The following SCN11A variants were observed in gnomAD, a reference collection of about 807,000 sequenced individuals.
SCN11A encodes sodium voltage-gated channel alpha subunit 11, also known as sodium channel protein type 11 subunit alpha.
Under a neutral mutation model 162.2 loss-of-function variants are expected in SCN11A, and 122 were observed. The ratio of observed to expected loss-of-function variants is 0.75; its 90% CI spans 0.65 to 0.87. The LOEUF (loss-of-function observed/expected upper bound fraction) is 0.87. Among genes scored for constraint, SCN11A ranks in the 40% least tolerant of loss-of-function variants. SCN11A has a pLI of 0.00. For missense variants in SCN11A, 2,015 were observed against 2,181.6 expected (o/e 0.92, Z 1.52); for synonymous variants, 758 against 751.5 (o/e 1.01, Z -0.14).
chr3:38,950,603 G>A (rs775995491), intron 4 of SCN11A: 2 of 516,452 alleles, frequency 3.9e-6, no homozygotes, highest in Non-Finnish European at 7.0e-6. Flanking sequence ...ATCATTCCTG[G>A]AGGACCTGGC....
At chr3:39,010,629 C>T (rs1265271115) in intron 2 of SCN11A, among the ~76,000 whole-genome samples, 3 of 152,226 alleles carry the variant, frequency 2.0e-5, no homozygotes, top group Non-Finnish European at 2.9e-5. Context: ...CCACCCGCCT[C>T]GGCCTCCCAA....
rs139583081 is a variant in SCN11A, at chr3:38,922,938, G to C, written c.713-1683C>G. Among the ~76,000 whole-genome samples, 448 of 152,244 alleles carry C rather than the reference G, an allele frequency of 2.9e-3. 3 individuals carry two copies. The highest frequency in any genetic ancestry group is 0.01 in the African/African-American group (428 of 41,548). On this transcript the variant is annotated intron_variant, in intron 9 of 29. Coordinates refer to ENST00000302328, the MANE Select transcript of SCN11A (RefSeq NM_001349253.2). The stretch of plus-strand genomic sequence containing the variant: ...TAGAAGAGAAAAGAAGGGAAGGGGA[G>C]AAGGTGGGGGGAAAGGAGTCCAGAG...
intron 2 of SCN11A, among the ~76,000 whole-genome samples, chr3:39,001,209 TCAC>T (rs1028493133): frequency 8.5e-5 from 13 of 152,166 alleles, no homozygotes; most frequent in Non-Finnish European, 1.8e-4. Flanking sequence ...TGTGCAACCA[TCAC>T]CACTTTATAA....
intron 2 of SCN11A, among the ~76,000 whole-genome samples, chr3:38,966,081 A>G (rs886385102): frequency 1.3e-5 from 2 of 152,192 alleles, no homozygotes; most frequent in Non-Finnish European, 2.9e-5. Flanking sequence ...ACCTGAGATC[A>G]TTGGTTGTTT....
intron 28 of SCN11A, 97 bp from the exon 29 acceptor site, chr3:38,850,848 C>T (rs557480243): frequency 1.9e-6 from 2 of 1,038,518 alleles, no homozygotes; most frequent in Non-Finnish European, 2.7e-6. Flanking sequence ...TTTTTCCTTA[C>T]AATTAAAGCA....
At chr3:38,864,505 G>A (rs1575219242) in intron 27 of SCN11A, among the ~76,000 whole-genome samples, 1 of 152,094 alleles carries the variant, frequency 6.6e-6, no homozygotes, top group East Asian at 1.9e-4. Context: ...TGAGAATAAG[G>A]TTTCTCAGTG....
intron 16 of SCN11A, among the ~76,000 whole-genome samples, chr3:38,901,314 T>C (rs1309168524): frequency 6.6e-6 from 1 of 152,170 alleles, no homozygotes; most frequent in Non-Finnish European, 1.5e-5. Flanking sequence ...AAGTTTATTT[T>C]CATATTCCCC....
chr3:38,918,077 G>C (rs966693597), intron 11 of SCN11A, among the ~76,000 whole-genome samples: 7 of 151,828 alleles, frequency 4.6e-5, no homozygotes, highest in Non-Finnish European at 7.4e-5. Flanking sequence ...TTTTATAGCA[G>C]TATAGTATTG....
intron 23 of SCN11A, among the ~76,000 whole-genome samples, chr3:38,875,991 T>C (rs767296509): frequency 6.6e-6 from 1 of 152,144 alleles, no homozygotes; most frequent in African/African-American, 2.4e-5. Context: ...CAAAACAGCA[T>C]GGTACTGGTA....
At chr3:38,915,596 T>C (rs1233921245) in intron 11 of SCN11A, among the ~76,000 whole-genome samples, 2 of 152,198 alleles carry the variant, frequency 1.3e-5, no homozygotes, top group African/African-American at 2.4e-5. Context: ...TTAATTTCCA[T>C]GTAATTGCAT....
intron 2 of SCN11A, among the ~76,000 whole-genome samples, chr3:39,019,854 CTCA>C: frequency 6.6e-6 from 1 of 152,272 alleles, no homozygotes; most frequent in Middle Eastern, 3.4e-3. Context: ...CTTTCATTGT[CTCA>C]TCAGATAAAT....
chr3:39,028,101 T>A (rs1320072171), intron 2 of SCN11A, among the ~76,000 whole-genome samples: 4 of 151,944 alleles, frequency 2.6e-5, no homozygotes, highest in Non-Finnish European at 5.9e-5. Context: ...ACTGTGGGAG[T>A]ACAGTCTGTC....
At chr3:38,949,400 T>C (rs902349253) in intron 5 of SCN11A, among the ~76,000 whole-genome samples, 3 of 152,206 alleles carry the variant, frequency 2.0e-5, no homozygotes, top group African/African-American at 7.2e-5. Context: ...GCAGATAAAA[T>C]AGCAAGGCTT....
At position 38,847,481 on chromosome 3, in the gene SCN11A, T is replaced by C. The variant is rs1367484622; in HGVS notation, c.4589A>G (p.Asp1530Gly). 3.1e-6 allele frequency: 5 copies of C among 1,614,086 alleles called. No individual in the cohort carries two copies. In the Admixed American group the frequency reaches 6.7e-5, roughly 22 times the overall value. The change falls in exon 30 of 30, where the codon GAC (aspartate) becomes GGC (glycine). Residue 1530 changes from aspartate (D) to glycine (G), a missense_variant. Asp to Gly is a moderately conservative substitution (Grantham distance 94). Coordinates refer to ENST00000302328, the MANE Select transcript of SCN11A (RefSeq NM_001349253.2). The stretch of plus-strand genomic sequence containing the variant: ...GGCAAAAGTCTTGAAGTTGAATATG[T>C]CATCGATTCCAGACTCTGGATTCAC... ...SKVNPESGID[D>G]IFNFKTFASS...
At chr3:38,922,511 TAG>T (rs2125549824) in intron 9 of SCN11A, among the ~76,000 whole-genome samples, 1 of 152,312 alleles carries the variant, frequency 6.6e-6, no homozygotes, top group Non-Finnish European at 1.5e-5. Context: ...TGGGCCAAAA[TAG>T]AGACTATATT....
intron 19 of SCN11A, among the ~76,000 whole-genome samples, chr3:38,890,446 A>G (rs976194385): frequency 6.6e-6 from 1 of 152,270 alleles, no homozygotes; most frequent in Non-Finnish European, 1.5e-5. Flanking sequence ...AGAGATTGGT[A>G]GCTCTCCTTC....
intron 20 of SCN11A, 127 bp from the exon 21 acceptor site, chr3:38,885,529 G>A: frequency 4.9e-6 from 3 of 617,968 alleles, no homozygotes; most frequent in Non-Finnish European, 5.7e-6. Context: ...TCTAGGATGA[G>A]AGGTGTCAAG....
At chr3:39,031,600 T>C (rs1027154475) in intron 2 of SCN11A, among the ~76,000 whole-genome samples, 1 of 152,000 alleles carries the variant, frequency 6.6e-6, no homozygotes, top group Non-Finnish European at 1.5e-5. Flanking sequence ...AATGGAGGTC[T>C]TTCTGCCAGG....
At chr3:39,026,640 C>T (rs1216813384) in intron 2 of SCN11A, among the ~76,000 whole-genome samples, 1 of 152,122 alleles carries the variant, frequency 6.6e-6, no homozygotes, top group Non-Finnish European at 1.5e-5. Context: ...CTTCTGAATA[C>T]AAGGACAAGT....
Sources: allele counts gnomAD v4.1 joint callset (sites outside exome capture counted in the v4.1 genomes callset), GRCh38; gene constraint gnomAD v4.1.1; transcripts MANE v1.5; gene names NCBI Gene and HGNC (gene_info 2026-07-23, HGNC 2026-07-21).